Variants in DCLK1 observed in about 807,000 individuals in gnomAD.
DCLK1 encodes doublecortin like kinase 1.
A neutral mutation model predicts 86.2 loss-of-function variants in DCLK1; 16 were observed. The ratio of observed to expected loss-of-function variants is 0.19; its 90% CI spans 0.13 to 0.28. The LOEUF (loss-of-function observed/expected upper bound fraction) is 0.28, where lower values mean the gene tolerates loss of function less well. Ranked by LOEUF, DCLK1 falls within the 10% of genes least tolerant of loss-of-function variation. The pLI, the probability that DCLK1 is intolerant of heterozygous loss-of-function variation, is 1.00. For synonymous variants in DCLK1, 369 were observed against 370.5 expected (o/e 1.00, Z 0.05); for missense variants, 590 against 940.2 (o/e 0.63, Z 4.87).
At chr13:36,087,715 T>C (rs1402278706) in intron 3 of DCLK1, among the ~76,000 whole-genome samples, 2 of 151,610 alleles carry the variant, frequency 1.3e-5, no homozygotes, top group African/African-American at 4.9e-5. Flanking sequence ...TCCTCTCCAC[T>C]CTCTTCTAAC....
At chr13:36,119,616 A>G (rs1885909087) in intron 2 of DCLK1, among the ~76,000 whole-genome samples, 2 of 152,226 alleles carry the variant, frequency 1.3e-5, no homozygotes, top group African/African-American at 4.8e-5. Flanking sequence ...TACTGAGGAC[A>G]AAACATGACT....
At chr13:35,805,914 T>G (rs1480391257) in intron 14 of DCLK1, 135 bp from the exon 15 acceptor site, 7 of 604,172 alleles carry the variant, frequency 1.2e-5, no homozygotes, top group Non-Finnish European at 1.6e-5. Context: ...CAACTCCACT[T>G]ACCTGTGGCT....
chr13:35,950,151 A>C (rs1338371692), intron 3 of DCLK1, among the ~76,000 whole-genome samples: 1 of 152,228 alleles, frequency 6.6e-6, no homozygotes, highest in East Asian at 1.9e-4. Flanking sequence ...TCAGTAGATC[A>C]CATTCAACTT....
At chr13:35,862,787 T>C (rs17181551) in intron 5 of DCLK1, among the ~76,000 whole-genome samples, 33,026 of 152,182 alleles carry the variant, frequency 0.22, 3,954 homozygotes, top group Admixed American at 0.32. Context: ...GGCCCTTTTT[T>C]ACATCCAAAT....
At chr13:36,084,975 G>A (rs1278029163) in intron 3 of DCLK1, among the ~76,000 whole-genome samples, 1 of 152,056 alleles carries the variant, frequency 6.6e-6, no homozygotes, top group African/African-American at 2.4e-5. Context: ...GTCTCTCAAG[G>A]AAAACAAATT....
chr13:35,777,594 A>C (rs2086445520), intron 16 of DCLK1, among the ~76,000 whole-genome samples: 1 of 152,178 alleles, frequency 6.6e-6, no homozygotes, highest in Non-Finnish European at 1.5e-5. Context: ...TGATGATCAG[A>C]GAAACTTCTC....
intron 3 of DCLK1, among the ~76,000 whole-genome samples, chr13:36,050,506 C>T (rs1411430826): frequency 3.3e-5 from 5 of 152,086 alleles, no homozygotes; most frequent in Admixed American, 3.3e-4. Flanking sequence ...CAGAAGATCA[C>T]AAAATCCTAA....
At chr13:35,794,784 G>A (rs991277258) in intron 15 of DCLK1, among the ~76,000 whole-genome samples, 1 of 152,188 alleles carries the variant, frequency 6.6e-6, no homozygotes, top group Admixed American at 6.5e-5. Context: ...AACCCCCAGT[G>A]CTTTTTCATT....
intron 3 of DCLK1, among the ~76,000 whole-genome samples, chr13:36,011,874 AG>A (rs1444160815): frequency 6.7e-6 from 1 of 149,764 alleles, no homozygotes; most frequent in East Asian, 2.0e-4. Context: ...GTCTCTTTGT[AG>A]GTCACTCAGG....
At chr13:36,002,925 G>A (rs531322198) in intron 3 of DCLK1, among the ~76,000 whole-genome samples, 7 of 152,284 alleles carry the variant, frequency 4.6e-5, no homozygotes, top group Admixed American at 4.6e-4. Flanking sequence ...GGGCTGGGGA[G>A]GCCTTGTCAG....
intron 3 of DCLK1, among the ~76,000 whole-genome samples, chr13:36,005,038 T>C (rs1880890504): frequency 6.6e-6 from 1 of 152,134 alleles, no homozygotes; most frequent in South Asian, 2.1e-4. Flanking sequence ...ATGAAACTAA[T>C]ACAAAGAGAC....
At chr13:35,850,026 T>G (rs1025646167) in intron 6 of DCLK1, 19 of 975,396 alleles carry the variant, frequency 1.9e-5, no homozygotes, top group Middle Eastern at 1.0e-3. Flanking sequence ...AAAATAACTT[T>G]AAAAAATAAA....
intron 16 of DCLK1, among the ~76,000 whole-genome samples, chr13:35,777,978 G>A (rs538220099): frequency 6.6e-6 from 1 of 152,318 alleles, no homozygotes; most frequent in South Asian, 2.1e-4. Flanking sequence ...ACTCTTTGGA[G>A]GACCAAGGTC....
At chr13:35,811,031 G>T in intron 11 of DCLK1, 63 bp from the exon 12 acceptor site, 1 of 1,600,070 alleles carries the variant, frequency 6.2e-7, no homozygotes, top group Non-Finnish European at 8.5e-7. Context: ...CTTTCTTGAA[G>T]AAATGAGGAA....
intron 3 of DCLK1, among the ~76,000 whole-genome samples, chr13:36,070,361 A>G (rs1883925669): frequency 6.6e-6 from 1 of 152,192 alleles, no homozygotes; most frequent in South Asian, 2.1e-4. Context: ...ATAAACGTAA[A>G]CTAGTAGTAA....
At chr13:35,896,591 G>GA (rs11450161) in intron 4 of DCLK1, among the ~76,000 whole-genome samples, 108,667 of 129,764 alleles carry the variant, frequency 0.84, 46,696 homozygotes, top group Non-Finnish European at 0.94. Context: ...TTGATATATA[G>GA]AAAAAAAAAA....
rs1555344390 is a variant in DCLK1 at position 35,851,995 on chromosome 13, ATGTGTGTG to A, written c.1035+2496_1035+2503del. Among the ~76,000 whole-genome samples the A allele has an allele frequency of 3.2e-3, 453 of 143,620 alleles. 3 individuals carry two copies. The highest frequency in any genetic ancestry group is 0.011 in the African/African-American group (444 of 39,624). 94.2% of individuals were successfully genotyped at this position (143,620 alleles called of 152,430 possible). A position where few individuals can be genotyped will look rare whatever the true frequency, so the allele number is the denominator to read the frequency against. ...GGCGCGCGTGTGTGCATGTGTGTGTATGTGTGTGTGTGTGTGTGTGTGTGTGTGTGTTG... is the reference window on the plus strand; with the variant it reads ...GGCGCGCGTGTGTGCATGTGTGTGTATGTGTGTGTGTGTGTGTGTGTGTTG... On this transcript the variant is annotated intron_variant, in intron 6 of 16. Coordinates refer to ENST00000360631, the MANE Select transcript of DCLK1 (RefSeq NM_001330071.2).
chr13:35,899,073 A>G (rs1874182951), intron 4 of DCLK1, among the ~76,000 whole-genome samples: 1 of 152,166 alleles, frequency 6.6e-6, no homozygotes, highest in South Asian at 2.1e-4. Flanking sequence ...TAAGCAGAAA[A>G]TGATGCTCTG....
Position 35,839,181 on chromosome 13 carries a change from A to T in DCLK1, c.1036-5T>A. On this transcript the variant is annotated splice_polypyrimidine_tract_variant and splice_region_variant and intron_variant, in intron 6 of 16. Transcript: ENST00000360631. ...GGAGCCGCCATGCTGAGAGCTCTGT[A>T]GGGGAACAGAAACCGGTAATTCAAA... The T allele has an allele frequency of 6.4e-7, 1 of 1,572,320 alleles. No individual in the cohort carries two copies. Among genetic ancestry groups the T allele is most frequent in the Non-Finnish European group, 8.6e-7 (1 of 1,158,080 alleles).
Sources: allele counts gnomAD v4.1 joint callset (sites outside exome capture counted in the v4.1 genomes callset), GRCh38; gene constraint gnomAD v4.1.1; transcripts MANE v1.5; gene names NCBI Gene and HGNC (gene_info 2026-07-23, HGNC 2026-07-21).